AGBL1: variants seen among roughly 807,000 people sequenced by gnomAD.
The protein encoded by AGBL1 is cytosolic carboxypeptidase 4.
AGBL1 carries 130 observed loss-of-function variants against 118.9 expected under a neutral mutation model. That is an observed-to-expected ratio of 1.09 (90% CI 0.95 to 1.26). The LOEUF (loss-of-function observed/expected upper bound fraction) is 1.26. AGBL1 is among the 50% of genes most tolerant of loss of function. The pLI is 0.00. For missense variants in AGBL1, 1,584 were observed against 1,298.1 expected (o/e 1.22, Z -3.38); for synonymous variants, 555 against 478.9 (o/e 1.16, Z -2.08).
At chr15:86,286,466 C>G (rs967739721) in intron 16 of AGBL1, among the ~76,000 whole-genome samples, 1 of 152,018 alleles carries the variant, frequency 6.6e-6, no homozygotes. Flanking sequence ...ATTCCTCCCC[C>G]TTGTTCCCGC....
chr15:86,196,879 G>GCGCGCGCGCACACACACACACACACA (rs756313941), intron 5 of AGBL1, among the ~76,000 whole-genome samples: 3 of 116,962 alleles, frequency 2.6e-5, no homozygotes, highest in African/African-American at 1.1e-4. Flanking sequence ...GCGCGCGCGC[G>GCGCGCGCGCACACACACACACACACA]CACACACACA....
intron 21 of AGBL1, among the ~76,000 whole-genome samples, chr15:86,581,057 A>G (rs888157353): frequency 6.6e-6 from 1 of 152,180 alleles, no homozygotes; most frequent in Non-Finnish European, 1.5e-5. Flanking sequence ...GAATTAGTAG[A>G]TGAGAGTTCC....
intron 1 of AGBL1, among the ~76,000 whole-genome samples, chr15:86,103,246 A>G (rs1896838897): frequency 6.6e-6 from 1 of 152,226 alleles, no homozygotes; most frequent in Non-Finnish European, 1.5e-5. Context: ...CTGTAGCATA[A>G]CAGGGTGAAT....
intron 21 of AGBL1, among the ~76,000 whole-genome samples, chr15:86,612,398 CA>C (rs1022070591): frequency 8.0e-6 from 1 of 125,632 alleles, no homozygotes; most frequent in African/African-American, 3.1e-5. Flanking sequence ...AAGGGGATTC[CA>C]AAAAAACCTG....
At chr15:86,444,156 G>A (rs867364016) in intron 18 of AGBL1, among the ~76,000 whole-genome samples, 6 of 152,100 alleles carry the variant, frequency 3.9e-5, no homozygotes, top group South Asian at 2.1e-4. Flanking sequence ...TCTAACTGGG[G>A]TAAGATGATA....
chr15:86,883,833 A>T (rs2079930820), intron 22 of AGBL1, among the ~76,000 whole-genome samples: 1 of 152,300 alleles, frequency 6.6e-6, no homozygotes, highest in South Asian at 2.1e-4. Context: ...GACTGTAAGA[A>T]TTTTAGTGCA....
chr15:86,268,973 T>C (rs901665247), intron 13 of AGBL1, among the ~76,000 whole-genome samples: 5 of 152,338 alleles, frequency 3.3e-5, no homozygotes. Context: ...TTTTTAAAAA[T>C]GAAATATCCT....
chr15:86,143,079 A>T (rs1257358909), intron 2 of AGBL1, among the ~76,000 whole-genome samples: 1 of 152,226 alleles, frequency 6.6e-6, no homozygotes, highest in Admixed American at 6.5e-5. Flanking sequence ...AAGGTGGAGG[A>T]GGTCCCTGTT....
At chr15:86,725,392 G>A (rs2086804104) in intron 22 of AGBL1, among the ~76,000 whole-genome samples, 1 of 152,124 alleles carries the variant, frequency 6.6e-6, no homozygotes, top group African/African-American at 2.4e-5. Flanking sequence ...GGTTTTCCAG[G>A]GAAAGGGATG....
intron 18 of AGBL1, among the ~76,000 whole-genome samples, chr15:86,449,273 A>G (rs2082164079): frequency 6.6e-6 from 1 of 152,228 alleles, no homozygotes; most frequent in Non-Finnish European, 1.5e-5. Context: ...CTACATGAAT[A>G]TACCTTAGAA....
At chr15:86,302,973 A>G (rs192185352) in intron 17 of AGBL1, among the ~76,000 whole-genome samples, 1 of 152,220 alleles carries the variant, frequency 6.6e-6, no homozygotes, top group East Asian at 1.9e-4. Flanking sequence ...AAGCAGAGAA[A>G]TGACAAGATC....
intron 2 of AGBL1, among the ~76,000 whole-genome samples, chr15:86,142,837 T>A (rs1224168350): frequency 1.3e-5 from 2 of 152,200 alleles, no homozygotes; most frequent in African/African-American, 4.8e-5. Flanking sequence ...TGTCCAGAGG[T>A]GTCTGAAACT....
chr15:86,965,766 AC>A (rs969069885), intron 23 of AGBL1, among the ~76,000 whole-genome samples: 11 of 152,114 alleles, frequency 7.2e-5, no homozygotes, highest in Admixed American at 6.6e-4. Context: ...AGAAAACCAA[AC>A]ACTGCATGTT....
chr15:87,014,540 A>C (rs1396168198), intron 24 of AGBL1, among the ~76,000 whole-genome samples: 1 of 152,184 alleles, frequency 6.6e-6, no homozygotes, highest in Non-Finnish European at 1.5e-5. Context: ...GGGCCATAAA[A>C]TGTTTCTCTA....
At chr15:87,004,592 G>A (rs979104744) in intron 24 of AGBL1, among the ~76,000 whole-genome samples, 2 of 152,212 alleles carry the variant, frequency 1.3e-5, no homozygotes, top group East Asian at 3.9e-4. Flanking sequence ...CTCTGCACGT[G>A]AGATGGGTCT....
rs1351328949 is a variant in AGBL1 at position 86,912,443 on chromosome 15, C to T, written c.*5149C>T. 2 of 152,174 alleles carry T rather than the reference C, an allele frequency of 1.3e-5. No individual in the cohort carries two copies. The highest frequency in any genetic ancestry group is 2.9e-5 in the Non-Finnish European group (2 of 68,064). 9.4% of individuals were successfully genotyped at this position (152,174 alleles called of 1,614,324 possible). On this transcript the variant is annotated 3_prime_UTR_variant, in exon 23 of 23. Transcript: ENST00000614907. ...ATGGATATCATGCCAACTTGGCTGC[C>T]TGGGCTCTCCTTGCAATCCCATCAA... is the stretch of plus-strand genomic sequence containing the variant.
At chr15:86,828,914 GTATATA>G (rs3059643) in intron 22 of AGBL1, among the ~76,000 whole-genome samples, 57,523 of 141,720 alleles carry the variant, frequency 0.41, 13,683 homozygotes, top group Non-Finnish European at 0.55. Flanking sequence ...AAGTTCAAAA[GTATATA>G]TATATATATA....
In AGBL1 at chr15:86,522,902, T is replaced by G. The variant is rs770081595; in HGVS notation, c.2648T>G (p.Leu883Arg). Residue 883 changes from leucine (L) to arginine (R), a missense_variant, in exon 19 of 23, where the codon CTC becomes CGC. Transcript: ENST00000614907. ...LQPTIYHAKG[L>R]LYHLSSIGRS... Reference sequence around the variant, plus strand: ...CCAACCATTTACCATGCCAAAGGCCTCCTCTACCACCTGAGCAGCATTGGC... The same window carrying G: ...CCAACCATTTACCATGCCAAAGGCCGCCTCTACCACCTGAGCAGCATTGGC... 4 of 1,613,998 alleles carry G rather than the reference T, an allele frequency of 2.5e-6. No homozygotes were observed. In the East Asian group the frequency reaches 8.9e-5, roughly 36 times the overall value.
intron 17 of AGBL1, among the ~76,000 whole-genome samples, chr15:86,328,904 G>T (rs1048800028): frequency 6.6e-6 from 1 of 152,210 alleles, no homozygotes; most frequent in Admixed American, 6.5e-5. Context: ...TATAAAGTCA[G>T]TCATTCTTTG....
Sources: gnomAD v4.1 joint callset for allele counts (sites outside exome capture counted in the v4.1 genomes callset) on GRCh38, gnomAD v4.1.1 for gene constraint, MANE v1.5 for transcripts, NCBI Gene and HGNC (gene_info 2026-07-23, HGNC 2026-07-21) for gene names.